DHRS4L2: variants seen among roughly 807,000 people sequenced by gnomAD.
The protein encoded by DHRS4L2 is dehydrogenase/reductase SDR family member 4-like 2.
DHRS4L2 carries 22 observed loss-of-function variants against 23.9 expected under a neutral mutation model. The ratio of observed to expected loss-of-function variants is 0.92; its 90% CI spans 0.66 to 1.31. The LOEUF is 1.31. Among genes scored for constraint, DHRS4L2 ranks in the 40% most tolerant of loss-of-function variants. The pLI is 0.00. For missense variants in DHRS4L2, 385 were observed against 303.3 expected, an observed-to-expected ratio of 1.27 and a Z score of -2.00; for synonymous variants, 141 against 123.7, an observed-to-expected ratio of 1.14 and a Z score of -0.93.
Position 23,998,962 on chromosome 14 carries a change from A to T in DHRS4L2, c.409-1901A>T, listed in dbSNP as rs548749721. ...TCTAGCTTTTGATTTAAAGTGAAAG[A>T]TGTGTGACTCTTCCTTTTGCTTAAA... is the stretch of plus-strand genomic sequence containing the variant. On this transcript the variant is annotated intron_variant, in intron 3 of 7. Coordinates refer to ENST00000335125, the MANE Select transcript of DHRS4L2 (RefSeq NM_198083.4). 3.4e-5 allele frequency among the ~76,000 whole-genome samples: 5 copies of T among 149,112 alleles called. No individual in the cohort carries two copies. The South Asian group carries it at 1.1e-3, about 33-fold the overall frequency.
intron 1 of DHRS4L2, among the ~76,000 whole-genome samples, chr14:23,989,847 T>C (rs61999798): frequency 0.022 from 3,411 of 151,802 alleles, 118 homozygotes; most frequent in Middle Eastern, 0.054. Context: ...GAGTGAGACC[T>C]TCAAATCACG....
intron 3 of DHRS4L2, among the ~76,000 whole-genome samples, chr14:23,998,488 C>T (rs1261773273): frequency 6.0e-5 from 9 of 150,280 alleles, no homozygotes; most frequent in African/African-American, 2.2e-4. Flanking sequence ...GCTGTAGCCA[C>T]CTTCATCAAT....
intron 1 of DHRS4L2, among the ~76,000 whole-genome samples, chr14:23,974,857 C>T (rs113879253): frequency 1.1e-4 from 17 of 151,908 alleles, no homozygotes; most frequent in African/African-American, 4.1e-4. Context: ...TGAAACTATA[C>T]CGATCAATAG....
At chr14:23,983,898 G>A (rs1490748715), upstream of DHRS4L2, among the ~76,000 whole-genome samples, 1 of 151,486 alleles carries the variant, frequency 6.6e-6, no homozygotes, top group Non-Finnish European at 1.5e-5. Flanking sequence ...AGGGGGCTGG[G>A]GAAGGGATAG....
In DHRS4L2 at chr14:23,974,119, G is replaced by C. The variant is rs577065262; in HGVS notation, c.-176+3787G>C. On this transcript the variant is annotated intron_variant, in intron 1 of 5. Coordinates refer to the DHRS4L2 transcript ENST00000534993. ...TCACTCAAAACTGCACAACTACATG[G>C]AAACTGAACAACCTGCTCCTGAATG... 7.9e-5 allele frequency among the ~76,000 whole-genome samples: 12 copies of C among 151,898 alleles called. No homozygotes were observed. The East Asian group carries it at 2.3e-3, about 29-fold the overall frequency.
intron 1 of DHRS4L2, among the ~76,000 whole-genome samples, chr14:23,972,125 A>G (rs962885006): frequency 1.3e-4 from 20 of 152,016 alleles, no homozygotes; most frequent in African/African-American, 3.4e-4. Flanking sequence ...AAATGAAGGT[A>G]TGTCTGGAAT....
At chr14:23,983,288 C>T (rs1047107609) in intron 1 of DHRS4L2, among the ~76,000 whole-genome samples, 1 of 151,704 alleles carries the variant, frequency 6.6e-6, no homozygotes, top group African/African-American at 2.4e-5. Context: ...AAAAGTTCAT[C>T]ATCACTGCTC....
Position 24,006,133 on chromosome 14 carries a change from G to A in DHRS4L2, c.*270G>A. The A allele has an allele frequency of 3.0e-6, 4 of 1,321,348 alleles. No homozygotes were observed. The highest frequency in any genetic ancestry group is 4.0e-6 in the Non-Finnish European group (4 of 990,998). The allele number at this position is 1,321,348 out of a possible 1,614,324, so 81.9% of individuals were successfully genotyped here. On this transcript the variant is annotated 3_prime_UTR_variant, in exon 8 of 8. Transcript: ENST00000335125. ...TCAAATCAGTTCTGCCCTGTGAAAA[G>A]ATCCAGCCTTCCCTGCCGTCAAGGT...
At chr14:23,971,135 G>C (rs1242006468) in intron 1 of DHRS4L2, among the ~76,000 whole-genome samples, 4 of 152,030 alleles carry the variant, frequency 2.6e-5, no homozygotes, top group African/African-American at 9.7e-5. Flanking sequence ...GAACAAAACT[G>C]GATGGAGAAT....
upstream of DHRS4L2, chr14:23,988,766 G>A: frequency 7.1e-7 from 1 of 1,398,858 alleles, no homozygotes; most frequent in Non-Finnish European, 9.3e-7. Context: ...GCGGAAGGTA[G>A]CTGGCTGCGG....
chr14:23,982,870 G>A (rs1473276785), intron 1 of DHRS4L2, among the ~76,000 whole-genome samples: 1 of 151,436 alleles, frequency 6.6e-6, no homozygotes, highest in Non-Finnish European at 1.5e-5. Context: ...ATTAAATTAA[G>A]TTGGGTTTAA....
intron 3 of DHRS4L2, among the ~76,000 whole-genome samples, chr14:23,999,795 A>G (rs565667983): frequency 1.8e-4 from 21 of 119,176 alleles, no homozygotes; most frequent in Non-Finnish European, 3.0e-4. Context: ...CCCGGGTTCA[A>G]GCTATTCTGC....
chr14:23,998,498 TGATCTTAGCTA>T (rs2034426167), intron 3 of DHRS4L2, among the ~76,000 whole-genome samples: 1 of 150,316 alleles, frequency 6.7e-6, no homozygotes, highest in Non-Finnish European at 1.5e-5. Flanking sequence ...CCTTCATCAA[TGATCTTAGCTA>T]GATCTTCTGG....
rs369752605 is a variant in DHRS4L2, at chr14:24,001,037, G to A, written c.484G>A (p.Gly162Ser). ...TCAGCTCTCTTCTTTTTCCAGAGGCGGCTCAGTGGTGATCGTGTCTTCCAT... is the reference window on the plus strand; with the variant it reads ...TCAGCTCTCTTCTTTTTCCAGAGGCAGCTCAGTGGTGATCGTGTCTTCCAT... ...VVPEMEKRGG[G>S]SVVIVSSIAA... The change falls in exon 5 of 8, where the codon GGC becomes AGC. Residue 162 changes from glycine to serine, a missense_variant. Gly to Ser is a moderately conservative substitution (Grantham distance 56, BLOSUM62 0). Coordinates refer to ENST00000335125, the MANE Select transcript of DHRS4L2 (RefSeq NM_198083.4). 43 of 1,611,434 alleles carry A rather than the reference G, an allele frequency of 2.7e-5. No homozygotes were observed. Among genetic ancestry groups the A allele is most frequent in the South Asian group, 1.3e-4 (12 of 90,950 alleles).
intron 4 of DHRS4L2, 36 bp from the exon 5 acceptor site, chr14:24,000,997 A>C: frequency 6.2e-7 from 1 of 1,611,434 alleles, no homozygotes; most frequent in South Asian, 1.1e-5. Context: ...GCAGTGGTCC[A>C]CACTGGGAAG....
chr14:23,971,372 C>G (rs1331906319), intron 1 of DHRS4L2, among the ~76,000 whole-genome samples: 2 of 151,900 alleles, frequency 1.3e-5, no homozygotes, highest in East Asian at 3.9e-4. Context: ...GCTTCAATAG[C>G]TGATTCAATC....
chr14:23,971,051 G>T (rs903366273), intron 1 of DHRS4L2, among the ~76,000 whole-genome samples: 11 of 152,066 alleles, frequency 7.2e-5, no homozygotes, highest in Non-Finnish European at 1.5e-4. Flanking sequence ...AGAAACCAGA[G>T]CAGAAATGCT....
At chr14:23,999,361 A>C (rs1210070130) in intron 3 of DHRS4L2, among the ~76,000 whole-genome samples, 1,632 of 145,208 alleles carry the variant, frequency 0.011, 42 homozygotes, top group Non-Finnish European at 0.018. Context: ...AAAAAAAAAA[A>C]AAAAAAAAAA....
At chr14:23,992,538 C>T (rs1429233984) in intron 2 of DHRS4L2, among the ~76,000 whole-genome samples, 1 of 151,252 alleles carries the variant, frequency 6.6e-6, no homozygotes, top group African/African-American at 2.4e-5. Context: ...AAGCTTCTCA[C>T]TGGTGTTGTA....
Sources: allele counts gnomAD v4.1 joint callset (sites outside exome capture counted in the v4.1 genomes callset), GRCh38; gene constraint gnomAD v4.1.1; transcripts MANE v1.5; gene names NCBI Gene and HGNC (gene_info 2026-07-23, HGNC 2026-07-21).